The following EML6 variants were observed in gnomAD, a reference collection of about 807,000 sequenced individuals.
EML6 encodes the protein echinoderm microtubule-associated protein-like 6.
EML6 carries 154 observed loss-of-function variants against 240.1 expected under a neutral mutation model. The observed-to-expected ratio is 0.64, with a 90% CI of 0.56 to 0.73. The LOEUF (loss-of-function observed/expected upper bound fraction) is 0.73, where lower values mean the gene tolerates loss of function less well. Ranked by LOEUF, EML6 falls within the 30% of genes least tolerant of loss-of-function variation. EML6 has a pLI of 0.00. For missense variants in EML6, 2,964 were observed against 2,474.6 expected (o/e 1.20, Z -4.20); for synonymous variants, 1,148 against 899.0 (o/e 1.28, Z -4.95).
chr2:54,777,041 C>T (rs1668633692), intron 2 of EML6, among the ~76,000 whole-genome samples: 1 of 152,042 alleles, frequency 6.6e-6, no homozygotes, highest in Non-Finnish European at 1.5e-5. Flanking sequence ...TTTATTCTAC[C>T]ACAATTGCCA....
intron 24 of EML6, among the ~76,000 whole-genome samples, chr2:54,905,303 T>A (rs1179909192): frequency 6.8e-6 from 1 of 146,358 alleles, no homozygotes; most frequent in Non-Finnish European, 1.5e-5. Context: ...AGGGTCTGAT[T>A]AACTTTATTT....
chr2:54,834,848 T>G (rs1378953930), intron 7 of EML6, among the ~76,000 whole-genome samples: 1 of 152,194 alleles, frequency 6.6e-6, no homozygotes, highest in Non-Finnish European at 1.5e-5. Flanking sequence ...TTGCAGTTGC[T>G]TTGTAAGTTG....
chr2:54,862,937 G>T (rs1670761082), intron 12 of EML6, among the ~76,000 whole-genome samples: 1 of 152,188 alleles, frequency 6.6e-6, no homozygotes, highest in African/African-American at 2.4e-5. Flanking sequence ...TGTTCAGTCA[G>T]GCTGCAGGGG....
rs114957963 is a variant in EML6, at chr2:54,728,470, T to C, written c.197+3212T>C. Among the ~76,000 whole-genome samples, 1,466 of 152,328 alleles carry C rather than the reference T, an allele frequency of 9.6e-3. 27 individuals carry two copies. The highest frequency in any genetic ancestry group is 0.032 in the African/African-American group (1,346 of 41,564). On this transcript the variant is annotated intron_variant, in intron 2 of 41. Transcript: ENST00000356458. Reference sequence around the variant, plus strand: ...GGCTCCCATTTGCAAAGGAGGTTTATGTACAATGCTGCTTTAGGGGAAAGG... The same window carrying C: ...GGCTCCCATTTGCAAAGGAGGTTTACGTACAATGCTGCTTTAGGGGAAAGG...
At chr2:54,885,965 C>G (rs1046623653) in intron 17 of EML6, among the ~76,000 whole-genome samples, 4 of 152,036 alleles carry the variant, frequency 2.6e-5, no homozygotes, top group African/African-American at 9.7e-5. Flanking sequence ...TTCCTTGCCT[C>G]TCATCGTAGG....
chr2:54,854,397 T>C (rs1670259820), intron 11 of EML6, among the ~76,000 whole-genome samples: 1 of 152,192 alleles, frequency 6.6e-6, no homozygotes. Flanking sequence ...TGTTTTGTTG[T>C]TTTGTTTTGT....
intron 36 of EML6, 109 bp downstream of exon 36, chr2:54,962,820 CAGGT>C: frequency 1.2e-6 from 1 of 831,086 alleles, no homozygotes; most frequent in Non-Finnish European, 1.7e-6. Flanking sequence ...GGGATGGGGC[CAGGT>C]AGGAGATCGA....
At chr2:54,844,510 T>C (rs111717306) in intron 8 of EML6, among the ~76,000 whole-genome samples, 198 of 152,318 alleles carry the variant, frequency 1.3e-3, no homozygotes, top group African/African-American at 4.5e-3. Flanking sequence ...ATCTTTCTAA[T>C]TGGAGATTTA....
chr2:54,911,173 A>C, intron 25 of EML6, 131 bp downstream of exon 25: 1 of 521,620 alleles, frequency 1.9e-6, no homozygotes, highest in Non-Finnish European at 3.5e-6. Flanking sequence ...TCGTGTCTTC[A>C]ATCTGATTGC....
At chr2:54,883,613 C>T (rs374567729) in intron 17 of EML6, among the ~76,000 whole-genome samples, 6 of 152,172 alleles carry the variant, frequency 3.9e-5, no homozygotes, top group East Asian at 3.9e-4. Context: ...TGTGATGGGG[C>T]GTGAGGAATC....
At chr2:54,936,091 C>T (rs955032423) in intron 28 of EML6, among the ~76,000 whole-genome samples, 2 of 152,142 alleles carry the variant, frequency 1.3e-5, no homozygotes, top group Non-Finnish European at 2.9e-5. Context: ...TTTTCATTAT[C>T]ACATTAAGAG....
In EML6 at chr2:54,732,831, T is replaced by G. The variant is rs76046603; in HGVS notation, c.197+7573T>G. ...AGTGCAGTGTTTAGTAACTGCTGGT[T>G]TAGTGACCAACAACAGTCTATACAT... On this transcript the variant is annotated intron_variant, in intron 2 of 41. Coordinates refer to ENST00000356458, the MANE Select transcript of EML6 (RefSeq NM_001039753.4). 4.5e-4 allele frequency among the ~76,000 whole-genome samples: 68 copies of G among 152,368 alleles called. 1 individual carries two copies. The East Asian group carries it at 0.012, about 28-fold the overall frequency.
chr2:54,938,770 C>T (rs1675279630), intron 28 of EML6, among the ~76,000 whole-genome samples: 1 of 152,206 alleles, frequency 6.6e-6, no homozygotes, highest in African/African-American at 2.4e-5. Context: ...GTTCGGATCT[C>T]TGAGAAGATT....
At chr2:54,939,265 G>T (rs1210566413) in intron 28 of EML6, among the ~76,000 whole-genome samples, 1 of 152,160 alleles carries the variant, frequency 6.6e-6, no homozygotes, top group Non-Finnish European at 1.5e-5. Flanking sequence ...TTCTCCATCT[G>T]GCTTCTGCCT....
intron 26 of EML6, among the ~76,000 whole-genome samples, chr2:54,917,478 C>T (rs1037464990): frequency 2.6e-5 from 4 of 151,802 alleles, no homozygotes; most frequent in Non-Finnish European, 5.9e-5. Context: ...AATTCCCTGC[C>T]TCAGCCTCCC....
intron 4 of EML6, among the ~76,000 whole-genome samples, chr2:54,819,959 T>C (rs1189201837): frequency 6.6e-5 from 10 of 152,158 alleles, no homozygotes; most frequent in Admixed American, 5.2e-4. Flanking sequence ...TAGAGACTGT[T>C]GGCCGCATTA....
intron 31 of EML6, among the ~76,000 whole-genome samples, 155 bp downstream of exon 31, chr2:54,952,847 C>T (rs868132441): frequency 2.6e-5 from 4 of 152,252 alleles, no homozygotes; most frequent in South Asian, 2.1e-4. Context: ...TCTGTGTCAC[C>T]TGCGTTGACA....
intron 25 of EML6, among the ~76,000 whole-genome samples, chr2:54,911,680 G>A (rs899903668): frequency 3.9e-5 from 6 of 152,118 alleles, no homozygotes; most frequent in South Asian, 2.1e-4. Context: ...CAGGTGATCC[G>A]CCCACGTCAG....
intron 3 of EML6, among the ~76,000 whole-genome samples, 187 bp from the exon 4 acceptor site, chr2:54,816,600 C>G (rs144662245): frequency 4.7e-4 from 72 of 152,308 alleles, no homozygotes; most frequent in African/African-American, 1.6e-3. Context: ...CTTGAAATTT[C>G]AGCATATACT....
Sources: gnomAD v4.1 joint callset for allele counts (sites outside exome capture counted in the v4.1 genomes callset) on GRCh38, gnomAD v4.1.1 for gene constraint, MANE v1.5 for transcripts, NCBI Gene and HGNC (gene_info 2026-07-23, HGNC 2026-07-21) for gene names.